Variants in PCDHGA4 observed in about 807,000 individuals in gnomAD.
The protein encoded by PCDHGA4 is protocadherin gamma-A4.
PCDHGA4 carries 38 observed loss-of-function variants against 54.6 expected under a neutral mutation model. The observed-to-expected ratio is 0.70, with a 90% confidence interval of 0.54 to 0.91. The LOEUF (loss-of-function observed/expected upper bound fraction) is 0.91, where lower values mean the gene tolerates loss of function less well. Ranked by LOEUF, PCDHGA4 falls within the 40% of genes least tolerant of loss-of-function variation. The probability of loss-of-function intolerance (pLI) is 0.00; values close to 1 mark genes in which losing one functional copy is unlikely to be tolerated. For missense variants in PCDHGA4, 1,298 were observed against 1,220.9 expected (o/e 1.06, Z -0.94); for synonymous variants, 511 against 512.9 (o/e 1.00, Z 0.05).
In PCDHGA4 at chr5:141,366,672, G is replaced by A. The variant is rs202102428; in HGVS notation, c.2514+9051G>A. ...CCCAACTACGCAGACACGCTCCTTA[G>A]TGAAGAGAGCTGTGAGAAAAGCGAG... On this transcript the variant is annotated intron_variant, in intron 1 of 3. Transcript: ENST00000571252. The A allele has an allele frequency of 1.6e-4, 266 of 1,614,142 alleles. 2 individuals carry two copies. Among genetic ancestry groups the A allele is most frequent in the Non-Finnish European group, 2.9e-5 (34 of 1,180,058 alleles).
At position 141,431,017 on chromosome 5, in the gene PCDHGA4, G is replaced by A. The variant is rs768036730; in HGVS notation, c.2515-63790G>A. 2.5e-6 allele frequency: 4 copies of A among 1,613,768 alleles called. No homozygotes were observed. Among genetic ancestry groups the A allele is most frequent in the South Asian group, 1.1e-5 (1 of 91,084 alleles). ...ATCCGCGCAGCGGCAGCTTGGTCAC[G>A]GCGGGCAGGATAGACCGGGAGGAGC... On this transcript the variant is annotated intron_variant, in intron 1 of 3. Transcript: ENST00000571252. This position sits in a 1 kb window ranked among gnomAD's most constrained non-coding sequence, Gnocchi z 4.8.
Position 141,491,834 on chromosome 5 carries a change from CG to C in PCDHGA4, c.2515-2970del. On this transcript the variant is annotated intron_variant, in intron 1 of 3. Transcript: ENST00000571252. This position sits in a 1 kb window ranked among gnomAD's most constrained non-coding sequence, Gnocchi z 6.9. ...CGCTGGCTGCGCTCCACCCGATTCT[CG>C]GGATCATTGGACCGTTTGCGCGAAA... 1 of 1,473,830 alleles carries C rather than the reference CG, an allele frequency of 6.8e-7. No homozygotes were observed. Among genetic ancestry groups the C allele is most frequent in the Middle Eastern group, 1.8e-4 (1 of 5,590 alleles). The allele number at this position is 1,473,830 out of a possible 1,614,324, so 91.3% of individuals were successfully genotyped here.
Position 141,432,126 on chromosome 5 carries a change from C to A in PCDHGA4, c.2515-62681C>A. 6.2e-7 allele frequency: 1 copy of A among 1,614,144 alleles called. No homozygotes were observed. Among genetic ancestry groups the A allele is most frequent in the South Asian group, 1.1e-5 (1 of 91,058 alleles). ...AACCCGCCGGTCTTCCCTCAGGCCT[C>A]CTATTCCGCTTATATCCCAGAGAAC... On this transcript the variant is annotated intron_variant, in intron 1 of 3. Transcript: ENST00000571252. The surrounding 1 kb of genome is among the most constrained non-coding windows in gnomAD (Gnocchi z 6.0).
chr5:141,361,230 G>A, intron 1 of PCDHGA4: 1 of 1,613,982 alleles, frequency 6.2e-7, no homozygotes, highest in Non-Finnish European at 8.5e-7. Flanking sequence ...CAGGAACAGT[G>A]ATCGCCTTGA....
At chr5:141,385,323 G>C (rs1781122610) in intron 1 of PCDHGA4, 1 of 1,607,092 alleles carries the variant, frequency 6.2e-7, no homozygotes, top group Non-Finnish European at 8.5e-7. Flanking sequence ...CAAGTATTCA[G>C]GTGAGCCCAG....
Position 141,431,897 on chromosome 5 carries a change from G to A in PCDHGA4, c.2515-62910G>A. On this transcript the variant is annotated intron_variant, in intron 1 of 3. Transcript: ENST00000571252. This position sits in a 1 kb window ranked among gnomAD's most constrained non-coding sequence, Gnocchi z 4.8. ...AAATGACCAAGATTCTGAGGAAAAC[G>A]GACAGGTGATCTGTTTCATCCAAGG... is the stretch of plus-strand genomic sequence containing the variant. 6 of 1,613,830 alleles carry A rather than the reference G, an allele frequency of 3.7e-6. No individual in the cohort carries two copies. The highest frequency in any genetic ancestry group is 5.1e-6 in the Non-Finnish European group (6 of 1,179,704).
rs1341933650 is a variant in PCDHGA4, at chr5:141,357,352, C to A, written c.2245C>A (p.Arg749Ser). Residue 749 changes from arginine (R) to serine (S), a missense_variant, in exon 1 of 4, where the codon CGC (arginine) becomes AGC (serine). Coordinates refer to ENST00000571252, the MANE Select transcript of PCDHGA4 (RefSeq NM_018917.4). Reference protein sequence around the residue: ...VTVLLALKLRRWHKSRLLHAE... With the variant: ...VTVLLALKLRSWHKSRLLHAE... ...GGTGCTGCTAGCACTCAAGCTGAGA[C>A]GCTGGCACAAGTCACGCCTGCTTCA... The A allele has an allele frequency of 6.2e-7, 1 of 1,614,156 alleles. No homozygotes were observed. Among genetic ancestry groups the A allele is most frequent in the Admixed American group, 1.7e-5 (1 of 60,036 alleles).
At position 141,361,198 on chromosome 5, in the gene PCDHGA4, C is replaced by A. The variant is rs377236216; in HGVS notation, c.2514+3577C>A. 3 of 1,613,964 alleles carry A rather than the reference C, an allele frequency of 1.9e-6. No individual in the cohort carries two copies. The highest frequency in any genetic ancestry group is 2.2e-5 in the South Asian group (2 of 91,082). ...AGTTATTGTGACTTCAGTATCTACT[C>A]CCCTACCGGAGGATTCGCCACCAGG... On this transcript the variant is annotated intron_variant, in intron 1 of 3. Transcript: ENST00000571252.
rs779392461 is a variant in PCDHGA4, at chr5:141,428,623, TC to T, written c.2515-66183del. 3.1e-5 allele frequency: 6 copies of T among 193,516 alleles called. No individual in the cohort carries two copies. In the East Asian group the frequency reaches 5.4e-4, roughly 17 times the overall value. 12.0% of individuals were successfully genotyped at this position (193,516 alleles called of 1,614,324 possible). ...CACTGAAGAGAATAACAAGATAAGC[TC>T]TAACTCTGTTGCTCCTACTCACGTG... On this transcript the variant is annotated intron_variant, in intron 1 of 3. Coordinates refer to ENST00000571252, the MANE Select transcript of PCDHGA4 (RefSeq NM_018917.4).
intron 1 of PCDHGA4, among the ~76,000 whole-genome samples, chr5:141,461,181 A>T (rs1322465700): frequency 1.3e-5 from 2 of 152,104 alleles, no homozygotes; most frequent in Non-Finnish European, 2.9e-5. Flanking sequence ...ATTGAATGGT[A>T]GATCTGTTTT....
At chr5:141,364,722 C>T in intron 1 of PCDHGA4, 1 of 1,613,884 alleles carries the variant, frequency 6.2e-7, no homozygotes, top group Non-Finnish European at 8.5e-7. Context: ...GATAACTTCC[C>T]GCGTTTCCGG....
chr5:141,383,308 G>A, intron 1 of PCDHGA4: 1 of 1,613,976 alleles, frequency 6.2e-7, no homozygotes, highest in Non-Finnish European at 8.5e-7. Context: ...CTTGACGGAA[G>A]AAATAAATGT....
intron 2 of PCDHGA4, among the ~76,000 whole-genome samples, chr5:141,499,496 T>C (rs1167360015): frequency 6.6e-6 from 1 of 152,182 alleles, no homozygotes; most frequent in East Asian, 1.9e-4. Flanking sequence ...CAGTTTAATA[T>C]GAAACATTTC....
At chr5:141,382,364 T>C (rs919179170) in intron 1 of PCDHGA4, among the ~76,000 whole-genome samples, 3 of 152,264 alleles carry the variant, frequency 2.0e-5, no homozygotes, top group African/African-American at 7.2e-5. Flanking sequence ...AAATAAAATT[T>C]ACCTTTTTGC....
chr5:141,423,525 G>A (rs1014975146), intron 1 of PCDHGA4: 8 of 1,613,710 alleles, frequency 5.0e-6, no homozygotes, highest in African/African-American at 2.7e-5. Context: ...ACTCGCAGAA[G>A]AGTCACCTGA....
chr5:141,419,662 T>C (rs767190243), intron 1 of PCDHGA4: 140 of 1,612,700 alleles, frequency 8.7e-5, no homozygotes, highest in South Asian at 2.2e-5. Flanking sequence ...CGGGGCACAA[T>C]GCCTGGCTGT....
In PCDHGA4 at chr5:141,418,490, G is replaced by A. The variant is rs1473964718; in HGVS notation, c.2514+60869G>A. On this transcript the variant is annotated intron_variant, in intron 1 of 3. Coordinates refer to ENST00000571252, the MANE Select transcript of PCDHGA4 (RefSeq NM_018917.4). Reference sequence around the variant, plus strand: ...AGAAACGCAGAGCGCTCACCACTTGGTACTGACCGCCTTAGATGGTGGGGA... The same window carrying A: ...AGAAACGCAGAGCGCTCACCACTTGATACTGACCGCCTTAGATGGTGGGGA... 5.6e-6 allele frequency: 9 copies of A among 1,613,996 alleles called. No homozygotes were observed. In the East Asian group the frequency reaches 1.6e-4, roughly 28 times the overall value.
At chr5:141,473,623 A>T (rs186624707) in intron 1 of PCDHGA4, among the ~76,000 whole-genome samples, 8 of 152,280 alleles carry the variant, frequency 5.3e-5, no homozygotes, top group Non-Finnish European at 1.5e-5. Flanking sequence ...GAGGGAGGAA[A>T]AAGCAGCTTT....
rs747044319 is a variant in PCDHGA4 at position 141,382,892 on chromosome 5, G to C, written c.2514+25271G>C. The C allele has an allele frequency of 3.7e-5, 57 of 1,534,302 alleles. No individual in the cohort carries two copies. In the East Asian group the frequency reaches 9.8e-4, roughly 26 times the overall value. On this transcript the variant is annotated intron_variant, in intron 1 of 3. Coordinates refer to ENST00000571252, the MANE Select transcript of PCDHGA4 (RefSeq NM_018917.4). ...GATCGGCGCCTAAGCAAGAGAAGCA[G>C]GACGACTATGGCGGCTCAGCCGAGG...
Sources: allele counts gnomAD v4.1 joint callset (sites outside exome capture counted in the v4.1 genomes callset), GRCh38; gene constraint gnomAD v4.1.1; non-coding constraint Gnocchi (gnomAD v3.1); transcripts MANE v1.5; gene names NCBI Gene and HGNC (gene_info 2026-07-23, HGNC 2026-07-21).